Variants in SLC12A2 observed in about 807,000 individuals in gnomAD.
The protein encoded by SLC12A2 is Na-K-2Cl cotransporter 1.
A neutral mutation model predicts 136.3 loss-of-function variants in SLC12A2; 67 were observed. The observed-to-expected ratio is 0.49, with a 90% CI of 0.40 to 0.60. The LOEUF (loss-of-function observed/expected upper bound fraction) is 0.60. Among genes scored for constraint, SLC12A2 ranks in the 20% least tolerant of loss-of-function variants. SLC12A2 has a pLI of 0.00. For synonymous variants in SLC12A2, 619 were observed against 562.9 expected (o/e 1.10, Z -1.41); for missense variants, 1,322 against 1,534.7 (o/e 0.86, Z 2.32).
intron 1 of SLC12A2, among the ~76,000 whole-genome samples, chr5:128,112,043 CT>C (rs1349120572): frequency 1.3e-5 from 2 of 152,134 alleles, no homozygotes; most frequent in Non-Finnish European, 2.9e-5. Flanking sequence ...ACCATCTCCC[CT>C]TTCCTTTCAT....
rs1763948165 is a variant in SLC12A2 at position 128,188,769 on chromosome 5, C to G, written c.*2138C>G. 1 of 149,464 alleles carries G rather than the reference C, an allele frequency of 6.7e-6. No individual in the cohort carries two copies. The highest frequency in any genetic ancestry group is 1.5e-5 in the Non-Finnish European group (1 of 67,452). The allele number at this position is 149,464 out of a possible 1,614,324, so 9.3% of individuals were successfully genotyped here. A position where few individuals can be genotyped will look rare whatever the true frequency, so the allele number is the denominator to read the frequency against. ...AAAAAAAAAAATTTCTACATTATAA[C>G]TCACAGCATTGTTCCATTGCAGGTT... is the stretch of plus-strand genomic sequence containing the variant. On this transcript the variant is annotated 3_prime_UTR_variant, in exon 27 of 27. Transcript: ENST00000262461.
chr5:128,183,076 G>T, intron 24 of SLC12A2, 135 bp downstream of exon 24: 1 of 557,824 alleles, frequency 1.8e-6, no homozygotes, highest in East Asian at 2.9e-5. Context: ...ATCTAGCATT[G>T]ATAGTTGGCA....
chr5:128,083,817 G>A lies in SLC12A2; in HGVS notation c.-138G>A. The A allele has an allele frequency of 1.6e-6, 1 of 642,536 alleles. No homozygotes were observed. Among genetic ancestry groups the A allele is most frequent in the Non-Finnish European group, 2.2e-6 (1 of 456,800 alleles). 39.8% of individuals were successfully genotyped at this position (642,536 alleles called of 1,614,324 possible). A position where few individuals can be genotyped will look rare whatever the true frequency, so the allele number is the denominator to read the frequency against. On this transcript the variant is annotated 5_prime_UTR_variant, in exon 1 of 27. Coordinates refer to ENST00000262461, the MANE Select transcript of SLC12A2 (RefSeq NM_001046.3). ...GTGGCCTCTGTGGCCGTCCAGGCTAGCGGCGGCCCGCAGGCGGCGGGGAGA... is the reference window on the plus strand; with the variant it reads ...GTGGCCTCTGTGGCCGTCCAGGCTAACGGCGGCCCGCAGGCGGCGGGGAGA...
chr5:128,111,122 G>A (rs1171267447), intron 1 of SLC12A2: 10 of 428,862 alleles, frequency 2.3e-5, no homozygotes, highest in Non-Finnish European at 3.9e-5. Flanking sequence ...TGAAGATAAC[G>A]TTTCTACTTA....
At chr5:128,116,823 A>G (rs1023144941) in intron 4 of SLC12A2, among the ~76,000 whole-genome samples, 1 of 152,168 alleles carries the variant, frequency 6.6e-6, no homozygotes, top group Non-Finnish European at 1.5e-5. Flanking sequence ...AGTGTTTTCA[A>G]GAGATTCTTT....
intron 12 of SLC12A2, 135 bp downstream of exon 12, chr5:128,149,012 G>GT: frequency 1.3e-6 from 1 of 740,756 alleles, no homozygotes; most frequent in Non-Finnish European, 2.2e-6. Context: ...ATAAAGTACT[G>GT]TAAGTAATAG....
chr5:128,108,175 C>T (rs1178593506), intron 1 of SLC12A2, among the ~76,000 whole-genome samples: 1 of 151,934 alleles, frequency 6.6e-6, no homozygotes, highest in Non-Finnish European at 1.5e-5. Context: ...AGAGGGCTAA[C>T]AATAGGCAGG....
At chr5:128,165,486 T>C (rs1763172789) in intron 17 of SLC12A2, among the ~76,000 whole-genome samples, 1 of 152,198 alleles carries the variant, frequency 6.6e-6, no homozygotes, top group Admixed American at 6.5e-5. Context: ...ATTTCAATTA[T>C]GTAATCCATG....
Position 128,084,248 on chromosome 5 carries a change from G to GGCGGCGGCA in SLC12A2, c.302_303insAGCGGCGGC (p.Ala105_Ala107dup). 1 of 1,233,338 alleles carries GGCGGCGGCA rather than the reference G, an allele frequency of 8.1e-7. No homozygotes were observed. The highest frequency in any genetic ancestry group is 1.0e-6 in the Non-Finnish European group (1 of 982,844). The allele number at this position is 1,233,338 out of a possible 1,614,324, so 76.4% of individuals were successfully genotyped here. On this transcript the variant is annotated inframe_insertion, in exon 1 of 27. Coordinates refer to ENST00000262461, the MANE Select transcript of SLC12A2 (RefSeq NM_001046.3). This position sits in a 1 kb window ranked among gnomAD's most constrained non-coding sequence, Gnocchi z 5.6. ...CCGGGCGGGCCGCTGCTGCGGCGGC[G>GGCGGCGGCA]GCGGCGGCGGCGGCAGCGGCGGCGG...
At position 128,158,138 on chromosome 5, in the gene SLC12A2, T is replaced by C; in HGVS notation, c.2449T>C (p.Leu817=). 1 of 1,613,562 alleles carries C rather than the reference T, an allele frequency of 6.2e-7. No homozygotes were observed. The stretch of plus-strand genomic sequence containing the variant: ...TCATGATTTCACAAAAAATGTTGGT[T>C]TGATGATCTGTGGCCATGTACATAT... ...LVHDFTKNVG[L]MICGHVHMGP... The change falls in exon 16 of 27, where the codon TTG becomes CTG. Residue 817 remains leucine, a synonymous_variant. Transcript: ENST00000262461.
chr5:128,096,661 C>T (rs6895346), intron 1 of SLC12A2, among the ~76,000 whole-genome samples: 1 of 151,988 alleles, frequency 6.6e-6, no homozygotes, highest in Admixed American at 6.6e-5. Flanking sequence ...CAGGACATAG[C>T]CTCAGTACTA....
At position 128,186,635 on chromosome 5, in the gene SLC12A2, T is replaced by C; in HGVS notation, c.*4T>C. On this transcript the variant is annotated 3_prime_UTR_variant, in exon 27 of 27. Coordinates refer to ENST00000262461, the MANE Select transcript of SLC12A2 (RefSeq NM_001046.3). ...TGTCCTTACCTTCTATTCATAAATGTTCTATACAGTGGACAGCCCTCCAGA... is the reference window on the plus strand; with the variant it reads ...TGTCCTTACCTTCTATTCATAAATGCTCTATACAGTGGACAGCCCTCCAGA... 2 of 1,613,838 alleles carry C rather than the reference T, an allele frequency of 1.2e-6. No homozygotes were observed. The highest frequency in any genetic ancestry group is 1.7e-6 in the Non-Finnish European group (2 of 1,179,820).
intron 4 of SLC12A2, among the ~76,000 whole-genome samples, chr5:128,130,660 C>T (rs1212046278): frequency 6.6e-6 from 1 of 150,886 alleles, no homozygotes; most frequent in Non-Finnish European, 1.5e-5. Context: ...TCAGCGTGGG[C>T]GACAGTGAAA....
chr5:128,090,979 A>T (rs537114765), intron 1 of SLC12A2, among the ~76,000 whole-genome samples: 1 of 152,288 alleles, frequency 6.6e-6, no homozygotes, highest in African/African-American at 2.4e-5. Flanking sequence ...ATTTGACATG[A>T]TCTGACTTAT....
In SLC12A2 at chr5:128,177,239, G is replaced by A. The variant is rs952559353; in HGVS notation, c.2977+87G>A. 2.0e-5 allele frequency: 19 copies of A among 946,296 alleles called. No homozygotes were observed. In the East Asian group the frequency reaches 4.0e-4, roughly 20 times the overall value. 58.6% of individuals were successfully genotyped at this position (946,296 alleles called of 1,614,324 possible). ...ACCTTATTCCCTTTTTTTTAACCTT[G>A]GTTTTTATTTCCATGGTGAGGTAAT... is the stretch of plus-strand genomic sequence containing the variant. On this transcript the variant is annotated intron_variant, in intron 21 of 26. Coordinates refer to ENST00000262461, the MANE Select transcript of SLC12A2 (RefSeq NM_001046.3).
intron 17 of SLC12A2, among the ~76,000 whole-genome samples, chr5:128,164,204 C>G (rs1228007618): frequency 6.6e-6 from 1 of 152,064 alleles, no homozygotes; most frequent in Non-Finnish European, 1.5e-5. Context: ...GTTTGCACTT[C>G]CAACAGAGTT....
intron 21 of SLC12A2, among the ~76,000 whole-genome samples, chr5:128,178,157 A>T (rs928082778): frequency 3.3e-5 from 5 of 152,220 alleles, no homozygotes; most frequent in Non-Finnish European, 7.3e-5. Flanking sequence ...GCTTTAAATT[A>T]TTGAGATACC....
At chr5:128,115,550 C>T (rs566779436) in intron 4 of SLC12A2, among the ~76,000 whole-genome samples, 15 of 152,204 alleles carry the variant, frequency 9.9e-5, no homozygotes, top group African/African-American at 3.1e-4. Flanking sequence ...TAAGAGACTA[C>T]GGGAGAATGG....
intron 4 of SLC12A2, among the ~76,000 whole-genome samples, chr5:128,118,117 G>C (rs142868708): frequency 2.4e-4 from 37 of 152,294 alleles, no homozygotes; most frequent in Admixed American, 4.6e-4. Context: ...TACACTGTTG[G>C]TGGAAATGTA....
Sources: gnomAD v4.1 joint callset for allele counts (sites outside exome capture counted in the v4.1 genomes callset) on GRCh38, gnomAD v4.1.1 for gene constraint, Gnocchi (gnomAD v3.1) non-coding constraint, MANE v1.5 for transcripts, NCBI Gene and HGNC (gene_info 2026-07-23, HGNC 2026-07-21) for gene names.